ARHGEF12: variants seen among roughly 807,000 people sequenced by gnomAD.
The protein encoded by ARHGEF12 is Rho guanine nucleotide exchange factor 12.
Under a neutral mutation model 211.2 loss-of-function variants are expected in ARHGEF12, and 66 were observed. That is an observed-to-expected ratio of 0.31 (90% CI 0.26 to 0.38). ARHGEF12 has a LOEUF of 0.38. Among genes scored for constraint, ARHGEF12 ranks in the 10% least tolerant of loss-of-function variants. ARHGEF12 has a pLI of 1.00. For missense variants in ARHGEF12, 1,429 were observed against 1,869.5 expected, an observed-to-expected ratio of 0.76 and a Z score of 4.34; for synonymous variants, 592 against 638.4, an observed-to-expected ratio of 0.93 and a Z score of 1.09.
intron 1 of ARHGEF12, among the ~76,000 whole-genome samples, chr11:120,347,145 TTC>T (rs1942762469): frequency 8.6e-5 from 8 of 92,986 alleles, no homozygotes; most frequent in Admixed American, 3.2e-4. Flanking sequence ...CCTTCCTTCC[TTC>T]CTTCCTTCCT....
chr11:120,366,480 T>C (rs2135388630), intron 1 of ARHGEF12, among the ~76,000 whole-genome samples: 1 of 152,284 alleles, frequency 6.6e-6, no homozygotes, highest in African/African-American at 2.4e-5. Context: ...TTTGATCTTT[T>C]CATGACATGC....
chr11:120,397,815 A>C (rs894078827), intron 1 of ARHGEF12, among the ~76,000 whole-genome samples: 5 of 152,196 alleles, frequency 3.3e-5, no homozygotes, highest in Admixed American at 2.0e-4. Flanking sequence ...ACATATGTTG[A>C]TATTTTATGA....
intron 23 of ARHGEF12, chr11:120,457,504 G>T: frequency 2.3e-6 from 1 of 437,980 alleles, no homozygotes; most frequent in Non-Finnish European, 3.9e-6. Flanking sequence ...AAATAAGTTG[G>T]GTGCATAAAA....
chr11:120,381,572 T>C (rs1243558181), intron 1 of ARHGEF12, among the ~76,000 whole-genome samples: 2 of 152,252 alleles, frequency 1.3e-5, no homozygotes, highest in African/African-American at 2.4e-5. Flanking sequence ...AGTTATGTCA[T>C]ACATTTGTAA....
At chr11:120,378,092 A>G (rs1591519901) in intron 1 of ARHGEF12, among the ~76,000 whole-genome samples, 1 of 152,126 alleles carries the variant, frequency 6.6e-6, no homozygotes, top group Non-Finnish European at 1.5e-5. Flanking sequence ...GAAACTGCCA[A>G]ATTGTTTTCC....
chr11:120,403,301 GT>G (rs1190821514), intron 1 of ARHGEF12, among the ~76,000 whole-genome samples: 1 of 152,138 alleles, frequency 6.6e-6, no homozygotes, highest in Non-Finnish European at 1.5e-5. Flanking sequence ...GAGGTCGGGA[GT>G]TCAAGATCAG....
chr11:120,446,550 A>T lies in ARHGEF12; in HGVS notation c.1451+42A>T, dbSNP rs368793190. ...ATAGAATTTCATATGATTATTCTAAATTAATTTTTTTAGTTAAGAAAAAGT... is the reference window on the plus strand; with the variant it reads ...ATAGAATTTCATATGATTATTCTAATTTAATTTTTTTAGTTAAGAAAAAGT... On this transcript the variant is annotated intron_variant, in intron 17 of 40. Transcript: ENST00000397843. The T allele has an allele frequency of 6.0e-4, 896 of 1,492,400 alleles. 17 individuals carry two copies. The South Asian group carries it at 0.01, about 17-fold the overall frequency. 92.4% of individuals were successfully genotyped at this position (1,492,400 alleles called of 1,614,324 possible). A position where few individuals can be genotyped will look rare whatever the true frequency, so the allele number is the denominator to read the frequency against.
chr11:120,465,921 G>T (rs148460225), intron 28 of ARHGEF12, among the ~76,000 whole-genome samples: 1 of 152,158 alleles, frequency 6.6e-6, no homozygotes, highest in Non-Finnish European at 1.5e-5. Flanking sequence ...GTAAACAACC[G>T]TATGCTCTAT....
In ARHGEF12 at chr11:120,489,167, T is replaced by A. The variant is rs529907499; in HGVS notation, c.*4090T>A. ...AGACATCTTCCTGCTTATTAGAGCA[T>A]CCCTAGCAACAAGGCTAAACCTTCA... On this transcript the variant is annotated 3_prime_UTR_variant, in exon 41 of 41. Coordinates refer to ENST00000397843, the MANE Select transcript of ARHGEF12 (RefSeq NM_015313.3). The A allele has an allele frequency of 1.1e-4, 26 of 227,402 alleles. No homozygotes were observed. The highest frequency in any genetic ancestry group is 6.2e-4 in the Admixed American group (11 of 17,616). The allele number at this position is 227,402 out of a possible 1,614,324, so 14.1% of individuals were successfully genotyped here.
intron 1 of ARHGEF12, among the ~76,000 whole-genome samples, chr11:120,379,969 G>GA (rs1943834065): frequency 6.6e-6 from 1 of 152,160 alleles, no homozygotes; most frequent in South Asian, 2.1e-4. Flanking sequence ...GTTGGCCTCA[G>GA]AAAATTTTTT....
Position 120,447,895 on chromosome 11 carries a change from G to A in ARHGEF12, c.1611G>A (p.Glu537=), listed in dbSNP as rs1946090044. 1 of 1,567,878 alleles carries A rather than the reference G, an allele frequency of 6.4e-7. No homozygotes were observed. The highest frequency in any genetic ancestry group is 8.6e-7 in the Non-Finnish European group (1 of 1,162,624). The change falls in exon 19 of 41, where the codon GAG becomes GAA. Residue 537 remains glutamate (E), a synonymous_variant. Coordinates refer to ENST00000397843, the MANE Select transcript of ARHGEF12 (RefSeq NM_015313.3). Reference sequence around the variant, plus strand: ...TAAGGATGACTGCTCAGGCTGTAGAGGAAGATAAGAGGTAACATAACTGTT... The same window carrying A: ...TAAGGATGACTGCTCAGGCTGTAGAAGAAGATAAGAGGTAACATAACTGTT... ...EEVLMTAQAV[E]EDKSSTMQYV... is the part of the protein sequence containing the mutation.
At chr11:120,405,262 C>T (rs959920919) in intron 1 of ARHGEF12, among the ~76,000 whole-genome samples, 11 of 152,010 alleles carry the variant, frequency 7.2e-5, no homozygotes, top group African/African-American at 2.4e-4. Flanking sequence ...ATAATCTTTA[C>T]ATAAAATGCC....
rs1042486245 is a variant in ARHGEF12 at position 120,489,651 on chromosome 11, A to C, written c.*4574A>C. 1 of 212,048 alleles carries C rather than the reference A, an allele frequency of 4.7e-6. No individual in the cohort carries two copies. Among genetic ancestry groups the C allele is most frequent in the African/African-American group, 2.3e-5 (1 of 44,176 alleles). 13.1% of individuals were successfully genotyped at this position (212,048 alleles called of 1,614,324 possible). ...TAATATTTTAGTTTTCAGTCATTCAAGGGCACATTTGGCTGACGGAGCTAA... is the reference window on the plus strand; with the variant it reads ...TAATATTTTAGTTTTCAGTCATTCACGGGCACATTTGGCTGACGGAGCTAA... On this transcript the variant is annotated 3_prime_UTR_variant, in exon 41 of 41. Transcript: ENST00000397843.
chr11:120,488,750 A>G lies in ARHGEF12; in HGVS notation c.*3673A>G, dbSNP rs1947462392. 4.6e-6 allele frequency: 1 copy of G among 215,344 alleles called. No individual in the cohort carries two copies. Among genetic ancestry groups the G allele is most frequent in the Non-Finnish European group, 9.4e-6 (1 of 106,514 alleles). The allele number at this position is 215,344 out of a possible 1,614,324, so 13.3% of individuals were successfully genotyped here. On this transcript the variant is annotated 3_prime_UTR_variant, in exon 41 of 41. Coordinates refer to ENST00000397843, the MANE Select transcript of ARHGEF12 (RefSeq NM_015313.3). ...TATTTTCCTTGTTCACCATACAATC[A>G]TGTACTCTTTAACAGAAATTGCTTT...
chr11:120,387,875 T>C (rs1944087598), intron 1 of ARHGEF12, among the ~76,000 whole-genome samples: 1 of 152,204 alleles, frequency 6.6e-6, no homozygotes, highest in Admixed American at 6.5e-5. Context: ...ACATAACGTT[T>C]ACTGGTAGTT....
At chr11:120,342,601 C>T (rs1039987687) in intron 1 of ARHGEF12, among the ~76,000 whole-genome samples, 2 of 152,144 alleles carry the variant, frequency 1.3e-5, no homozygotes, top group Non-Finnish European at 1.5e-5. Context: ...TGCTCTCCTA[C>T]TGCAAAAATA....
At chr11:120,341,299 C>G (rs1156635146) in intron 1 of ARHGEF12, among the ~76,000 whole-genome samples, 29 of 152,168 alleles carry the variant, frequency 1.9e-4, no homozygotes, top group Admixed American at 1.9e-3. Flanking sequence ...CTTAGGTGAT[C>G]CACCCGTCTC....
At chr11:120,442,384 A>G (rs1440167974) in intron 15 of ARHGEF12, among the ~76,000 whole-genome samples, 182 bp downstream of exon 15, 1 of 150,642 alleles carries the variant, frequency 6.6e-6, no homozygotes. Context: ...GTTTAGGCAT[A>G]TGAATTCTCA....
intron 1 of ARHGEF12, among the ~76,000 whole-genome samples, chr11:120,393,043 T>A (rs1944270307): frequency 6.6e-6 from 1 of 152,194 alleles, no homozygotes; most frequent in South Asian, 2.1e-4. Context: ...CTGGGGTAAC[T>A]TATATCCTCT....
Sources: gnomAD v4.1 joint callset for allele counts (sites outside exome capture counted in the v4.1 genomes callset) on GRCh38, gnomAD v4.1.1 for gene constraint, MANE v1.5 for transcripts, NCBI Gene and HGNC (gene_info 2026-07-23, HGNC 2026-07-21) for gene names.